Variants in DCC observed in about 807,000 individuals in gnomAD.
DCC encodes netrin receptor DCC.
Under a neutral mutation model 172.5 loss-of-function variants are expected in DCC, and 58 were observed. The ratio of observed to expected loss-of-function variants is 0.34; its 90% CI spans 0.27 to 0.42. The LOEUF (loss-of-function observed/expected upper bound fraction) is 0.42, where lower values mean the gene tolerates loss of function less well. DCC is among the 10% of genes least tolerant of loss of function. The pLI, the probability that DCC is intolerant of heterozygous loss-of-function variation, is 1.00. For missense variants in DCC, 1,740 were observed against 1,791.0 expected, an observed-to-expected ratio of 0.97 and a Z score of 0.51; for synonymous variants, 709 against 644.5, an observed-to-expected ratio of 1.10 and a Z score of -1.52.
chr18:53,427,477 C>T (rs1157260874), intron 21 of DCC, among the ~76,000 whole-genome samples: 2 of 152,016 alleles, frequency 1.3e-5, no homozygotes, highest in Non-Finnish European at 2.9e-5. Context: ...ATTATAATAA[C>T]TAATAAACAT....
At chr18:52,408,342 G>A (rs983057710) in intron 1 of DCC, among the ~76,000 whole-genome samples, 2 of 151,870 alleles carry the variant, frequency 1.3e-5, no homozygotes, top group Non-Finnish European at 2.9e-5. Flanking sequence ...ATGGAGGAAA[G>A]TCTTTTTAAA....
At position 52,834,951 on chromosome 18, in the gene DCC, CTT is replaced by C. The variant is rs200388845; in HGVS notation, c.413-71090_413-71089del. ...TTGGACATATATGTATATATTTGAT[CTT>C]TTCATGTTACTGCTCGATATTAAAC... is the stretch of plus-strand genomic sequence containing the variant. On this transcript the variant is annotated intron_variant, in intron 2 of 28. Coordinates refer to ENST00000442544, the MANE Select transcript of DCC (RefSeq NM_005215.4). 6.4e-3 allele frequency among the ~76,000 whole-genome samples: 980 copies of C among 152,124 alleles called. 9 individuals are homozygous for C. The highest frequency in any genetic ancestry group is 0.028 in the South Asian group (134 of 4,820).
intron 15 of DCC, among the ~76,000 whole-genome samples, chr18:53,376,276 C>A (rs971517119): frequency 6.6e-6 from 1 of 151,768 alleles, no homozygotes; most frequent in Non-Finnish European, 1.5e-5. Context: ...CCCAGCTACT[C>A]GGGAGACTGA....
intron 1 of DCC, among the ~76,000 whole-genome samples, chr18:52,448,749 C>G (rs1191594762): frequency 3.9e-5 from 6 of 152,182 alleles, no homozygotes; most frequent in African/African-American, 1.2e-4. Flanking sequence ...AGACCCAGGT[C>G]ATTCTGAATG....
At chr18:52,873,368 C>T (rs2039352185) in intron 2 of DCC, among the ~76,000 whole-genome samples, 1 of 152,116 alleles carries the variant, frequency 6.6e-6, no homozygotes, top group East Asian at 1.9e-4. Context: ...GAAATAGAGC[C>T]AATATGTAGG....
At chr18:52,679,694 C>T (rs1031656628) in intron 1 of DCC, among the ~76,000 whole-genome samples, 1 of 152,120 alleles carries the variant, frequency 6.6e-6, no homozygotes, top group Non-Finnish European at 1.5e-5. Flanking sequence ...AACTTCCTGG[C>T]AGTTTCAGTT....
At chr18:53,095,582 C>T (rs769216762) in intron 7 of DCC, among the ~76,000 whole-genome samples, 31 of 152,050 alleles carry the variant, frequency 2.0e-4, no homozygotes, top group Non-Finnish European at 3.7e-4. Context: ...GCTCATGGCC[C>T]CTTCCTTATA....
chr18:52,849,093 CTG>C (rs149378500), intron 2 of DCC, among the ~76,000 whole-genome samples: 40 of 149,760 alleles, frequency 2.7e-4, no homozygotes, highest in East Asian at 1.8e-3. Context: ...TCAACCTACT[CTG>C]TGTGTGTGTG....
intron 1 of DCC, among the ~76,000 whole-genome samples, chr18:52,445,741 G>A (rs966426883): frequency 1.3e-5 from 2 of 152,202 alleles, no homozygotes; most frequent in African/African-American, 4.8e-5. Flanking sequence ...AAGATTCAGA[G>A]TAGCCCTCAA....
chr18:53,153,233 C>G (rs1214657185), intron 7 of DCC, among the ~76,000 whole-genome samples: 1 of 152,086 alleles, frequency 6.6e-6, no homozygotes, highest in Non-Finnish European at 1.5e-5. Context: ...ATACGTTTCT[C>G]AAAAATCTAG....
intron 1 of DCC, among the ~76,000 whole-genome samples, chr18:52,746,261 A>C (rs750817398): frequency 3.3e-5 from 5 of 152,206 alleles, no homozygotes; most frequent in Non-Finnish European, 7.3e-5. Flanking sequence ...AGATTCACGG[A>C]TCATCAGAAA....
At chr18:52,381,666 C>T (rs914698561) in intron 1 of DCC, among the ~76,000 whole-genome samples, 2 of 152,080 alleles carry the variant, frequency 1.3e-5, no homozygotes, top group African/African-American at 4.8e-5. Context: ...GCCAGTGTCT[C>T]AACAAACGGG....
chr18:52,992,749 G>T (rs762598904), intron 5 of DCC, among the ~76,000 whole-genome samples: 1 of 152,108 alleles, frequency 6.6e-6, no homozygotes, highest in Admixed American at 6.6e-5. Context: ...GCCAAGGTGG[G>T]TGGATTGCTT....
intron 1 of DCC, among the ~76,000 whole-genome samples, chr18:52,622,713 ACTATT>A (rs1443927229): frequency 2.0e-5 from 3 of 152,212 alleles, no homozygotes; most frequent in Non-Finnish European, 4.4e-5. Flanking sequence ...TATGAAGACA[ACTATT>A]CTATTAATAG....
rs1555682009 is a variant in DCC at position 52,921,705 on chromosome 18, A to AATAATAAT, written c.698-2001_698-2000insTAATAATA. ...CAGAGAGGCTCCATCTCAAAAATAA[A>AATAATAAT]AATAATAATAATAATAATAATATAT... On this transcript the variant is annotated intron_variant, in intron 3 of 28. Transcript: ENST00000442544. Among the ~76,000 whole-genome samples, 185 of 146,902 alleles carry AATAATAAT rather than the reference A, an allele frequency of 1.3e-3. 1 individual carries two copies. Among genetic ancestry groups the AATAATAAT allele is most frequent in the East Asian group, 7.8e-3 (39 of 4,970 alleles).
intron 1 of DCC, among the ~76,000 whole-genome samples, chr18:52,491,937 C>A (rs1207515947): frequency 1.3e-5 from 2 of 151,618 alleles, no homozygotes; most frequent in Non-Finnish European, 2.9e-5. Flanking sequence ...GGTGGTGTGA[C>A]ATAAATTGGA....
chr18:52,832,106 C>T (rs748150380), intron 2 of DCC, among the ~76,000 whole-genome samples: 1 of 152,070 alleles, frequency 6.6e-6, no homozygotes, highest in South Asian at 2.1e-4. Flanking sequence ...ATGATCATTT[C>T]GGGAGGTACT....
At chr18:53,507,384 A>G (rs1258006000) in intron 27 of DCC, among the ~76,000 whole-genome samples, 3 of 152,226 alleles carry the variant, frequency 2.0e-5, no homozygotes, top group Admixed American at 6.5e-5. Context: ...TTCTAAAGAC[A>G]TGACCTGTAG....
intron 2 of DCC, among the ~76,000 whole-genome samples, chr18:52,836,259 T>G (rs2145306643): frequency 6.6e-6 from 1 of 152,296 alleles, no homozygotes. Context: ...AACCATATAA[T>G]TCTTCCCCTG....
Sources: allele counts gnomAD v4.1 joint callset (sites outside exome capture counted in the v4.1 genomes callset), GRCh38; gene constraint gnomAD v4.1.1; transcripts MANE v1.5; gene names NCBI Gene and HGNC (gene_info 2026-07-23, HGNC 2026-07-21).